Variants in ROR1 observed in about 807,000 individuals in gnomAD.
The protein encoded by ROR1 is ROR family WNT receptor 1.
A neutral mutation model predicts 78.8 loss-of-function variants in ROR1; 19 were observed. The ratio of observed to expected loss-of-function variants is 0.24; its 90% CI spans 0.17 to 0.35. ROR1 has a LOEUF of 0.35. ROR1 is among the 10% of genes least tolerant of loss of function. The pLI, the probability that ROR1 is intolerant of heterozygous loss-of-function variation, is 1.00. For synonymous variants in ROR1, 386 were observed against 433.6 expected, an observed-to-expected ratio of 0.89 and a Z score of 1.36; for missense variants, 917 against 1,177.8, an observed-to-expected ratio of 0.78 and a Z score of 3.24.
At chr1:63,780,695 G>A (rs1176476702) in intron 1 of ROR1, among the ~76,000 whole-genome samples, 2 of 152,200 alleles carry the variant, frequency 1.3e-5, no homozygotes, top group Non-Finnish European at 2.9e-5. Context: ...CTAGATCTGA[G>A]CAGTACCCAG....
chr1:64,005,012 CT>C (rs1315252395), intron 1 of ROR1, among the ~76,000 whole-genome samples: 2 of 152,198 alleles, frequency 1.3e-5, no homozygotes, highest in East Asian at 3.9e-4. Flanking sequence ...TATAAAAACA[CT>C]TATGTTCTTA....
intron 7 of ROR1, among the ~76,000 whole-genome samples, chr1:64,152,277 T>G (rs1047063654): frequency 3.9e-5 from 6 of 152,246 alleles, no homozygotes; most frequent in African/African-American, 1.2e-4. Context: ...AAAGATCACA[T>G]GGGTCCTCCT....
At chr1:63,921,836 A>C (rs1391041899) in intron 1 of ROR1, among the ~76,000 whole-genome samples, 2 of 152,222 alleles carry the variant, frequency 1.3e-5, no homozygotes, top group Non-Finnish European at 2.9e-5. Flanking sequence ...CTGCCCACCC[A>C]GGACTGCAGA....
intron 1 of ROR1, among the ~76,000 whole-genome samples, chr1:63,878,850 A>G (rs890312942): frequency 1.7e-4 from 26 of 152,086 alleles, no homozygotes; most frequent in Admixed American, 1.1e-3. Context: ...AAGGCTGCAA[A>G]CTTCAGGAGA....
chr1:63,970,976 G>A (rs756443291), intron 1 of ROR1, among the ~76,000 whole-genome samples: 10 of 152,284 alleles, frequency 6.6e-5, no homozygotes, highest in East Asian at 1.9e-4. Flanking sequence ...AAGCAAAAGC[G>A]AGCCTGGCTA....
chr1:64,001,445 C>G (rs1169729861), intron 1 of ROR1, among the ~76,000 whole-genome samples: 1 of 152,268 alleles, frequency 6.6e-6, no homozygotes, highest in African/African-American at 2.4e-5. Flanking sequence ...CTCGAATCTA[C>G]GCTTGCAATG....
chr1:64,043,941 A>T (rs1003945643), intron 2 of ROR1, among the ~76,000 whole-genome samples: 2 of 152,194 alleles, frequency 1.3e-5, no homozygotes, highest in African/African-American at 4.8e-5. Context: ...GCTCAGAAAA[A>T]TGTTAGCTAT....
chr1:64,147,861 G>A (rs1649515273), intron 7 of ROR1, among the ~76,000 whole-genome samples: 1 of 152,102 alleles, frequency 6.6e-6, no homozygotes, highest in African/African-American at 2.4e-5. Context: ...ATCTTCCAGG[G>A]AACATTTGGC....
At chr1:64,143,161 C>G in intron 7 of ROR1, 1 of 989,474 alleles carries the variant, frequency 1.0e-6, no homozygotes, top group Non-Finnish European at 1.2e-6. Flanking sequence ...ATATAGGTAT[C>G]TAGTAAGAAA....
chr1:63,798,209 G>T (rs1644773311), intron 1 of ROR1, among the ~76,000 whole-genome samples: 2 of 152,214 alleles, frequency 1.3e-5, no homozygotes. Flanking sequence ...AGCTTCATAG[G>T]TATGCAACCT....
Position 63,983,916 on chromosome 1 carries a change from T to C in ROR1, c.92-25389T>C, listed in dbSNP as rs201881513. On this transcript the variant is annotated intron_variant, in intron 1 of 8. Transcript: ENST00000371079. Reference sequence around the variant, plus strand: ...AAATAAGATGCAAAGGGACGCAAAGTACCCCACACCTGGTGTGGCTTACAG... The same window carrying C: ...AAATAAGATGCAAAGGGACGCAAAGCACCCCACACCTGGTGTGGCTTACAG... Among the ~76,000 whole-genome samples, 13 of 152,282 alleles carry C rather than the reference T, an allele frequency of 8.5e-5. No individual in the cohort carries two copies. In the East Asian group the frequency reaches 2.5e-3, roughly 29 times the overall value.
rs553242471 is a variant in ROR1, at chr1:63,826,830, G to A, written c.91+52322G>A. ...GCATCAGTTATTTTTTGACTTTTTA[G>A]TAATAGCCATTCTGACTGGTGTGAG... On this transcript the variant is annotated intron_variant, in intron 1 of 8. Coordinates refer to ENST00000371079, the MANE Select transcript of ROR1 (RefSeq NM_005012.4). Among the ~76,000 whole-genome samples the A allele has an allele frequency of 2.0e-5, 3 of 152,060 alleles. No individual in the cohort carries two copies. The East Asian group carries it at 5.9e-4, about 30-fold the overall frequency.
intron 1 of ROR1, among the ~76,000 whole-genome samples, chr1:63,891,254 C>T (rs1645393345): frequency 6.6e-6 from 1 of 152,126 alleles, no homozygotes; most frequent in South Asian, 2.1e-4. Context: ...TTACAAGAAA[C>T]AGCAAAATAA....
chr1:64,101,379 C>T (rs1464851865), intron 4 of ROR1, among the ~76,000 whole-genome samples: 1 of 152,064 alleles, frequency 6.6e-6, no homozygotes, highest in Non-Finnish European at 1.5e-5. Flanking sequence ...AAGTAATAAC[C>T]AGATATGGAC....
chr1:63,823,445 C>CTTTTT lies in ROR1; in HGVS notation c.91+48955_91+48959dup, dbSNP rs11374055. On this transcript the variant is annotated intron_variant, in intron 1 of 8. Coordinates refer to ENST00000371079, the MANE Select transcript of ROR1 (RefSeq NM_005012.4). ...ATATTGCTGCTAACTACAGACATTA[C>CTTTTT]TTTTTTTTTTTTTTTTTTTTTTGAG... Among the ~76,000 whole-genome samples the CTTTTT allele has an allele frequency of 1.7e-4, 18 of 106,142 alleles. 1 individual carries two copies. Among genetic ancestry groups the CTTTTT allele is most frequent in the Admixed American group, 2.4e-4 (2 of 8,268 alleles). The allele number at this position is 106,142 out of a possible 152,430, so 69.6% of individuals were successfully genotyped here. A position where few individuals can be genotyped will look rare whatever the true frequency, so the allele number is the denominator to read the frequency against.
intron 1 of ROR1, among the ~76,000 whole-genome samples, chr1:63,977,311 G>C (rs1467704182): frequency 6.6e-6 from 1 of 152,152 alleles, no homozygotes; most frequent in East Asian, 1.9e-4. Flanking sequence ...GTAATTTTGT[G>C]CCTGAAACAA....
intron 4 of ROR1, among the ~76,000 whole-genome samples, chr1:64,081,980 C>A (rs537142431): frequency 6.6e-6 from 1 of 152,214 alleles, no homozygotes; most frequent in African/African-American, 2.4e-5. Flanking sequence ...TACAATAATT[C>A]TTTTCCCTTT....
chr1:64,033,170 A>G (rs552462324), intron 2 of ROR1, among the ~76,000 whole-genome samples: 1 of 152,368 alleles, frequency 6.6e-6, no homozygotes, highest in South Asian at 2.1e-4. Context: ...CGTCCTTGGT[A>G]TAATCTGGAA....
intron 1 of ROR1, among the ~76,000 whole-genome samples, chr1:63,792,421 A>T (rs927979332): frequency 5.9e-5 from 9 of 152,152 alleles, no homozygotes; most frequent in Admixed American, 5.2e-4. Context: ...CATCCAGATA[A>T]TACGAAGAGG....
Sources: allele counts gnomAD v4.1 joint callset (sites outside exome capture counted in the v4.1 genomes callset), GRCh38; gene constraint gnomAD v4.1.1; transcripts MANE v1.5; gene names NCBI Gene and HGNC (gene_info 2026-07-23, HGNC 2026-07-21).